The following DNAJA4 variants were observed in gnomAD, a reference collection of about 807,000 sequenced individuals.
DNAJA4 encodes the protein dnaJ homolog subfamily A member 4.
A neutral mutation model predicts 39.7 loss-of-function variants in DNAJA4; 32 were observed. The observed-to-expected ratio is 0.81, with a 90% confidence interval of 0.61 to 1.08. The LOEUF is 1.08. DNAJA4 is among the 50% of genes least tolerant of loss of function. DNAJA4 has a pLI of 0.00. For synonymous variants in DNAJA4, 184 were observed against 182.4 expected (o/e 1.01, Z -0.07); for missense variants, 439 against 505.1 (o/e 0.87, Z 1.25).
chr15:78,264,246 CCTCG>C, upstream of DNAJA4: 2 of 924,238 alleles, frequency 2.2e-6, no homozygotes, highest in Non-Finnish European at 2.8e-6. Flanking sequence ...AAGGGGGCGG[CCTCG>C]GGGCGGCGGG....
chr15:78,273,580 T>A lies in DNAJA4; in HGVS notation c.418+381T>A, dbSNP rs541385006. Among the ~76,000 whole-genome samples the A allele has an allele frequency of 1.2e-4, 18 of 152,332 alleles. No individual in the cohort carries two copies. In the South Asian group the frequency reaches 3.7e-3, roughly 32 times the overall value. ...CAGACTTTTTCTGTAAAGAGCCAGATTTTAGGCTTTCCAGGCCATGGAGTC... is the reference window on the plus strand; with the variant it reads ...CAGACTTTTTCTGTAAAGAGCCAGAATTTAGGCTTTCCAGGCCATGGAGTC... On this transcript the variant is annotated intron_variant, in intron 3 of 6. Transcript: ENST00000394852.
chr15:78,269,630 T>C (rs1477219602), intron 1 of DNAJA4, among the ~76,000 whole-genome samples: 1 of 152,152 alleles, frequency 6.6e-6, no homozygotes, highest in Admixed American at 6.5e-5. Context: ...AGTAAAGTTA[T>C]CAAATTCAAG....
At chr15:78,266,679 A>C (rs537498596) in intron 1 of DNAJA4, among the ~76,000 whole-genome samples, 1 of 152,340 alleles carries the variant, frequency 6.6e-6, no homozygotes, top group East Asian at 1.9e-4. Context: ...CCCAACGTGC[A>C]TCCTACTTTA....
rs1441377944 is a variant in DNAJA4, at chr15:78,280,293, C to G, written c.1027C>G (p.Leu343Val). ...HWLSLEKLPQ[L>V]EALLPPRQKV... The stretch of plus-strand genomic sequence containing the variant: ...GCTTTCTCTGGAAAAGCTTCCTCAG[C>G]TGGAAGCTTTACTCCCTCCTCGACA... The change falls in exon 7 of 7, where the codon CTG (leucine) becomes GTG (valine). Residue 343 changes from leucine to valine, a missense_variant. By Grantham distance (32) the Leu-to-Val change is conservative. Transcript: ENST00000394852. 52 of 1,614,088 alleles carry G rather than the reference C, an allele frequency of 3.2e-5. No individual in the cohort carries two copies. Among genetic ancestry groups the G allele is most frequent in the Non-Finnish European group, 4.3e-5 (51 of 1,180,046 alleles).
At position 78,280,344 on chromosome 15, in the gene DNAJA4, G is replaced by C. The variant is rs1280634220; in HGVS notation, c.1078G>C (p.Asp360His). The C allele has an allele frequency of 6.2e-7, 1 of 1,614,106 alleles. No individual in the cohort carries two copies. The highest frequency in any genetic ancestry group is 8.5e-7 in the Non-Finnish European group (1 of 1,180,042). Residue 360 changes from aspartate to histidine, a missense_variant, in exon 7 of 7, where the codon GAT becomes CAT. Transcript: ENST00000394852. ...RQKVRITDDM[D>H]QVELKEFCPN... The stretch of plus-strand genomic sequence containing the variant: ...GAAAGTGAGGATTACAGATGACATG[G>C]ATCAGGTGGAGCTGAAGGAGTTTTG...
intron 5 of DNAJA4, among the ~76,000 whole-genome samples, chr15:78,276,860 T>A (rs914850317): frequency 6.6e-6 from 1 of 152,202 alleles, no homozygotes; most frequent in African/African-American, 2.4e-5. Context: ...AGGCCTGGAC[T>A]TCTGTTCCCT....
chr15:78,275,576 T>C lies in DNAJA4; in HGVS notation c.725T>C (p.Ile242Thr), dbSNP rs1456434788. ...GAGCTGGAGCCTGGTGATGTCATAATTGTGCTTGATCAGAAGGATCATAGT... is the reference window on the plus strand; with the variant it reads ...GAGCTGGAGCCTGGTGATGTCATAACTGTGCTTGATCAGAAGGATCATAGT... ...EPELEPGDVI[I>T]VLDQKDHSVF... The change falls in exon 5 of 7, where the codon ATT (isoleucine) becomes ACT (threonine). Residue 242 changes from isoleucine to threonine, a missense_variant. Physicochemically the swap from Ile to Thr is moderately conservative, Grantham distance 89. Coordinates refer to ENST00000394852, the MANE Select transcript of DNAJA4 (RefSeq NM_001130182.2). 2.0e-5 allele frequency: 33 copies of C among 1,614,078 alleles called. No homozygotes were observed. Among genetic ancestry groups the C allele is most frequent in the Admixed American group, 1.2e-4 (7 of 60,002 alleles).
At chr15:78,278,709 T>C (rs974347129) in intron 5 of DNAJA4, among the ~76,000 whole-genome samples, 5 of 152,092 alleles carry the variant, frequency 3.3e-5, no homozygotes, top group Non-Finnish European at 1.5e-5. Context: ...TGGAGTGCAA[T>C]GGCGTGATCT....
chr15:78,270,344 G>T lies in DNAJA4; in HGVS notation c.133-153G>T. The T allele has an allele frequency of 4.1e-6, 3 of 734,178 alleles. No individual in the cohort carries two copies. The Admixed American group carries it at 8.3e-5, about 20-fold the overall frequency. 45.5% of individuals were successfully genotyped at this position (734,178 alleles called of 1,614,324 possible). A position where few individuals can be genotyped will look rare whatever the true frequency, so the allele number is the denominator to read the frequency against. ...CTTTACCAAAGGAGTAGGTAGACAG[G>T]CAAGTCAGATTCCAGGTAGAGGATG... is the stretch of plus-strand genomic sequence containing the variant. On this transcript the variant is annotated intron_variant, in intron 1 of 6. Transcript: ENST00000394852.
intron 1 of DNAJA4, 135 bp from the exon 2 acceptor site, chr15:78,270,362 A>C: frequency 1.2e-6 from 1 of 854,888 alleles, no homozygotes; most frequent in Non-Finnish European, 1.8e-6. Context: ...GATTCCAGGT[A>C]GAGGATGTAT....
rs1491436506 is a variant in DNAJA4 at position 78,267,182 on chromosome 15, G to GTGTGTGAGTGTGTA, written c.132+2293_132+2294insAGTGTGTATGTGTG. 9.5e-4 allele frequency among the ~76,000 whole-genome samples: 69 copies of GTGTGTGAGTGTGTA among 72,670 alleles called. 1 individual carries two copies. The East Asian group carries it at 0.042, about 45-fold the overall frequency. The allele number at this position is 72,670 out of a possible 152,430, so 47.7% of individuals were successfully genotyped here. On this transcript the variant is annotated intron_variant, in intron 1 of 6. Transcript: ENST00000394852. The stretch of plus-strand genomic sequence containing the variant: ...TGTATGTGAGTGTGTGAGTGTGTGA[G>GTGTGTGAGTGTGTA]TGTGTGTGTGAGTGTGTATGTGAGT...
chr15:78,277,917 T>G, intron 5 of DNAJA4: 1 of 384,436 alleles, frequency 2.6e-6, no homozygotes, highest in South Asian at 2.0e-5. Flanking sequence ...TTGTTTGTCC[T>G]TTTTGTTTTG....
At chr15:78,266,295 T>G in intron 1 of DNAJA4, 1 of 1,613,336 alleles carries the variant, frequency 6.2e-7, no homozygotes, top group Non-Finnish European at 8.5e-7. Flanking sequence ...CTCACAAGAG[T>G]AAGTTCATGC....
chr15:78,273,103 G>A lies in DNAJA4; in HGVS notation c.322G>A (p.Val108Ile), dbSNP rs139667760. 16 of 1,591,164 alleles carry A rather than the reference G, an allele frequency of 1.0e-5. No individual in the cohort carries two copies. The highest frequency in any genetic ancestry group is 1.3e-5 in the Non-Finnish European group (15 of 1,161,288). ...TTTTCTCCCTTGCTAAGGCAAGAAT[G>A]TTGTACACCAGTTATCTGTAACTCT... ...RMARERRGKN[V>I]VHQLSVTLED... Residue 108 changes from valine to isoleucine, a missense_variant, in exon 3 of 7, where the codon GTT becomes ATT. Coordinates refer to ENST00000394852, the MANE Select transcript of DNAJA4 (RefSeq NM_001130182.2).
rs570002890 is a variant in DNAJA4 at position 78,279,368 on chromosome 15, G to A, written c.878-677G>A. On this transcript the variant is annotated intron_variant, in intron 5 of 6. Coordinates refer to ENST00000394852, the MANE Select transcript of DNAJA4 (RefSeq NM_001130182.2). This position sits in a 1 kb window ranked among gnomAD's most constrained non-coding sequence, Gnocchi z 4.5. Reference sequence around the variant, plus strand: ...TTTCCTTTTCCATGCTTAGAGGGAAGTTTCTGACTTGGGAGAACGCCTTAG... The same window carrying A: ...TTTCCTTTTCCATGCTTAGAGGGAAATTTCTGACTTGGGAGAACGCCTTAG... 1 of 152,444 alleles carries A rather than the reference G, an allele frequency of 6.6e-6. No homozygotes were observed. Among genetic ancestry groups the A allele is most frequent in the African/African-American group, 2.4e-5 (1 of 41,568 alleles). 9.4% of individuals were successfully genotyped at this position (152,444 alleles called of 1,614,324 possible).
At chr15:78,264,371 G>A (rs1369622031), upstream of DNAJA4, 5 of 1,446,156 alleles carry the variant, frequency 3.5e-6, no homozygotes, top group East Asian at 3.0e-5. Context: ...GCAGCCAAAG[G>A]AGCAGACGCC....
At chr15:78,264,453 G>A (rs2049057417), upstream of DNAJA4, 15 of 1,325,656 alleles carry the variant, frequency 1.1e-5, no homozygotes, top group African/African-American at 1.5e-5. Context: ...CCCGCCGCGG[G>A]GCCGCCGGAA....
rs372936125 is a variant in DNAJA4 at position 78,280,468 on chromosome 15, C to T, written c.*8C>T. On this transcript the variant is annotated 3_prime_UTR_variant, in exon 7 of 7. Coordinates refer to ENST00000394852, the MANE Select transcript of DNAJA4 (RefSeq NM_001130182.2). ...CAGTGCCAGACGGCATGACGTGGTG[C>T]GGGGCAGCGTGGCCCCACCGGACTA... 4.8e-5 allele frequency: 76 copies of T among 1,599,542 alleles called. No individual in the cohort carries two copies. The highest frequency in any genetic ancestry group is 3.4e-4 in the East Asian group (15 of 44,494).
intron 2 of DNAJA4, 54 bp from the exon 3 acceptor site, chr15:78,273,041 A>C: frequency 9.7e-7 from 1 of 1,035,520 alleles, no homozygotes; most frequent in South Asian, 1.3e-5. Context: ...GGTGGTATTT[A>C]ATACAATGGT....
Sources: allele counts gnomAD v4.1 joint callset (sites outside exome capture counted in the v4.1 genomes callset), GRCh38; gene constraint gnomAD v4.1.1; non-coding constraint Gnocchi (gnomAD v3.1); transcripts MANE v1.5; gene names NCBI Gene and HGNC (gene_info 2026-07-23, HGNC 2026-07-21).